DSCAML1: variants seen among roughly 807,000 people sequenced by gnomAD.
The protein encoded by DSCAML1 is DS cell adhesion molecule like 1, also known as cell adhesion molecule DSCAML1.
Under a neutral mutation model 200.5 loss-of-function variants are expected in DSCAML1, and 38 were observed. The observed-to-expected ratio is 0.19, with a 90% CI of 0.15 to 0.25. DSCAML1 has a LOEUF of 0.25. DSCAML1 is among the 10% of genes least tolerant of loss of function. The probability of loss-of-function intolerance (pLI) is 1.00; values close to 1 mark genes in which losing one functional copy is unlikely to be tolerated. For missense variants in DSCAML1, 2,223 were observed against 2,858.8 expected (o/e 0.78, Z 5.07); for synonymous variants, 1,215 against 1,165.0 (o/e 1.04, Z -0.87).
chr11:117,650,588 G>T (rs771021887), intron 3 of DSCAML1, among the ~76,000 whole-genome samples: 17 of 152,050 alleles, frequency 1.1e-4, no homozygotes, highest in Non-Finnish European at 2.4e-4. Context: ...CTTGGTGGAA[G>T]GTCACAGTAC....
chr11:117,735,231 A>G (rs2054296299), intron 3 of DSCAML1, among the ~76,000 whole-genome samples: 2 of 152,240 alleles, frequency 1.3e-5, no homozygotes, highest in African/African-American at 4.8e-5. Context: ...GAAAGAAGAC[A>G]GGAAGAATTT....
upstream of DSCAML1, among the ~76,000 whole-genome samples, chr11:117,798,618 C>T (rs966303674): frequency 6.6e-6 from 1 of 152,134 alleles, no homozygotes; most frequent in Non-Finnish European, 1.5e-5. Flanking sequence ...CCCCCTTCCC[C>T]TCCCCTCCCC....
At chr11:117,634,330 G>A (rs1208736632) in intron 3 of DSCAML1, among the ~76,000 whole-genome samples, 3 of 152,210 alleles carry the variant, frequency 2.0e-5, no homozygotes, top group African/African-American at 7.2e-5. Flanking sequence ...TGGCCTGGCT[G>A]TCACTGTCAC....
At position 117,432,379 on chromosome 11, in the gene DSCAML1, C is replaced by T. The variant is rs142406951; in HGVS notation, c.5152G>A (p.Asp1718Asn). The change falls in exon 30 of 33, where the codon GAC (aspartate) becomes AAC (asparagine). Residue 1718 changes from aspartate to asparagine, a missense_variant. Coordinates refer to ENST00000651296, the MANE Select transcript of DSCAML1 (RefSeq NM_020693.4). Reference sequence around the variant, plus strand: ...GTTCCTGGCCGGATGTCAGACATGTCGATGAGGGGTCCTGTGCTCTGGATG... The same window carrying T: ...GTTCCTGGCCGGATGTCAGACATGTTGATGAGGGGTCCTGTGCTCTGGATG... ...TLIQSTGPLI[D>N]MSDIRPGTNP... The T allele has an allele frequency of 4.3e-6, 7 of 1,613,820 alleles. No homozygotes were observed. The highest frequency in any genetic ancestry group is 5.9e-6 in the Non-Finnish European group (7 of 1,179,946).
intron 1 of DSCAML1, among the ~76,000 whole-genome samples, chr11:117,811,519 C>T (rs1283443118): frequency 1.3e-5 from 2 of 152,208 alleles, no homozygotes; most frequent in African/African-American, 2.4e-5. Context: ...AGCGGCCAGG[C>T]GTTCCTCCAG....
intron 3 of DSCAML1, among the ~76,000 whole-genome samples, chr11:117,764,884 C>T: frequency 1.3e-5 from 2 of 152,150 alleles, no homozygotes; most frequent in East Asian, 3.9e-4. Context: ...TCAGAGAAGC[C>T]CCCAGACTCT....
chr11:117,646,079 T>C (rs1312745692), intron 3 of DSCAML1, among the ~76,000 whole-genome samples: 6 of 152,206 alleles, frequency 3.9e-5, no homozygotes, highest in Non-Finnish European at 7.3e-5. Flanking sequence ...TTTTATTCTT[T>C]TCAATAAAGG....
rs984619527 is a variant in DSCAML1, at chr11:117,451,882, C to T, written c.3569-1194G>A. On this transcript the variant is annotated intron_variant, in intron 19 of 32. Coordinates refer to ENST00000651296, the MANE Select transcript of DSCAML1 (RefSeq NM_020693.4). ...GCATAAGACACTCAATAAATTGTAA[C>T]GATTATTATTTTTGCATTCTGTCTC... Among the ~76,000 whole-genome samples the T allele has an allele frequency of 4.6e-4, 70 of 152,058 alleles. 1 individual carries two copies. Among genetic ancestry groups the T allele is most frequent in the African/African-American group, 1.6e-3 (68 of 41,402 alleles).
At chr11:117,441,483 G>A (rs1173717820) in intron 21 of DSCAML1, among the ~76,000 whole-genome samples, 2 of 152,030 alleles carry the variant, frequency 1.3e-5, no homozygotes, top group African/African-American at 2.4e-5. Flanking sequence ...AGTGTCCCAA[G>A]GGTGGTGGCG....
chr11:117,714,201 G>A (rs920796854), intron 3 of DSCAML1, among the ~76,000 whole-genome samples: 1 of 152,096 alleles, frequency 6.6e-6, no homozygotes, highest in African/African-American at 2.4e-5. Context: ...GTTTATTTTG[G>A]CCTTACTGTT....
Position 117,489,573 on chromosome 11 carries a change from G to T in DSCAML1, c.2360-7411C>A, listed in dbSNP as rs1029676182. Among the ~76,000 whole-genome samples the T allele has an allele frequency of 1.3e-5, 2 of 152,154 alleles. No homozygotes were observed. The highest frequency in any genetic ancestry group is 2.9e-5 in the Non-Finnish European group (2 of 67,998). On this transcript the variant is annotated intron_variant, in intron 11 of 32. Coordinates refer to ENST00000651296, the MANE Select transcript of DSCAML1 (RefSeq NM_020693.4). This position sits in a 1 kb window ranked among gnomAD's most constrained non-coding sequence, Gnocchi z 4.8. ...CCTTCCTATACAGCAGCTTTAGGTG[G>T]GGTAGGGTCTTCTCTCTGAGACCCT... is the stretch of plus-strand genomic sequence containing the variant.
chr11:117,445,527 G>A (rs774413739), intron 20 of DSCAML1, among the ~76,000 whole-genome samples: 1 of 152,228 alleles, frequency 6.6e-6, no homozygotes, highest in Non-Finnish European at 1.5e-5. Flanking sequence ...TCTGGACGCT[G>A]TTTTCTCTCT....
rs976381999 is a variant in DSCAML1, at chr11:117,503,743, T to A, written c.2359+102A>T. 1.3e-5 allele frequency: 17 copies of A among 1,344,196 alleles called. No homozygotes were observed. Among genetic ancestry groups the A allele is most frequent in the Non-Finnish European group, 1.6e-5 (16 of 993,852 alleles). 83.3% of individuals were successfully genotyped at this position (1,344,196 alleles called of 1,614,324 possible). A position where few individuals can be genotyped will look rare whatever the true frequency, so the allele number is the denominator to read the frequency against. On this transcript the variant is annotated intron_variant, in intron 11 of 32. Coordinates refer to ENST00000651296, the MANE Select transcript of DSCAML1 (RefSeq NM_020693.4). This position sits in a 1 kb window ranked among gnomAD's most constrained non-coding sequence, Gnocchi z 5.2. ...AGGAAGCCTTCCTGCCTCCCCTTCATAGATGAAACGACGGAGACTAAGAGA... is the reference window on the plus strand; with the variant it reads ...AGGAAGCCTTCCTGCCTCCCCTTCAAAGATGAAACGACGGAGACTAAGAGA...
At chr11:117,785,972 G>T (rs2055344407) in intron 1 of DSCAML1, among the ~76,000 whole-genome samples, 1 of 152,154 alleles carries the variant, frequency 6.6e-6, no homozygotes, top group Admixed American at 6.5e-5. Context: ...ATGTTGTTGA[G>T]TTCAAAGTTT....
intron 20 of DSCAML1, among the ~76,000 whole-genome samples, chr11:117,450,044 C>T (rs568312661): frequency 6.6e-6 from 1 of 152,316 alleles, no homozygotes; most frequent in South Asian, 2.1e-4. Context: ...TCGCCTGAGC[C>T]CAGGCCCTGG....
chr11:117,510,174 G>A (rs1453274335), intron 8 of DSCAML1, among the ~76,000 whole-genome samples: 1 of 152,206 alleles, frequency 6.6e-6, no homozygotes, highest in Admixed American at 6.5e-5. Context: ...ATTTAATGGT[G>A]TCTCTCATCA....
chr11:117,434,676 T>C (rs2047874703), intron 27 of DSCAML1, among the ~76,000 whole-genome samples: 1 of 152,206 alleles, frequency 6.6e-6, no homozygotes, highest in Admixed American at 6.6e-5. Context: ...TATTCAGCCA[T>C]CCAGCCATCC....
At chr11:117,452,489 C>T (rs1030085889) in intron 19 of DSCAML1, among the ~76,000 whole-genome samples, 3 of 152,222 alleles carry the variant, frequency 2.0e-5, no homozygotes, top group East Asian at 1.9e-4. Context: ...TTTCTATACC[C>T]TTATGTTTTA....
chr11:117,628,682 G>A (rs1258555379), intron 3 of DSCAML1, among the ~76,000 whole-genome samples: 1 of 152,150 alleles, frequency 6.6e-6, no homozygotes, highest in African/African-American at 2.4e-5. Context: ...TTGTGGTGAA[G>A]GGTATACCCG....
Sources: allele counts gnomAD v4.1 joint callset (sites outside exome capture counted in the v4.1 genomes callset), GRCh38; gene constraint gnomAD v4.1.1; non-coding constraint Gnocchi (gnomAD v3.1); transcripts MANE v1.5; gene names NCBI Gene and HGNC (gene_info 2026-07-23, HGNC 2026-07-21).